Variants in GPSM2 observed in about 807,000 individuals in gnomAD.
GPSM2 encodes G protein-signaling modulator 2.
A neutral mutation model predicts 78.4 loss-of-function variants in GPSM2; 58 were observed. The observed-to-expected ratio is 0.74, with a 90% CI of 0.60 to 0.92. The LOEUF is 0.92. Among genes scored for constraint, GPSM2 ranks in the 40% least tolerant of loss-of-function variants. The probability of loss-of-function intolerance (pLI) is 0.00; values close to 1 mark genes in which losing one functional copy is unlikely to be tolerated. For synonymous variants in GPSM2, 224 were observed against 280.2 expected (o/e 0.80, Z 2.00); for missense variants, 700 against 815.5 (o/e 0.86, Z 1.73).
chr1:108,890,141 C>A (rs1321249202), intron 2 of GPSM2, among the ~76,000 whole-genome samples: 2 of 152,136 alleles, frequency 1.3e-5, no homozygotes, highest in East Asian at 3.9e-4. Flanking sequence ...ATTTTTCTTT[C>A]TTAGCACCAA....
At chr1:108,901,989 T>C in intron 8 of GPSM2, 44 bp downstream of exon 8, 1 of 1,314,650 alleles carries the variant, frequency 7.6e-7, no homozygotes, top group Non-Finnish European at 1.1e-6. Context: ...AAAATATAGA[T>C]GCATTATTGA....
chr1:108,909,601 T>C (rs1164591259), intron 10 of GPSM2: 2 of 152,104 alleles, frequency 1.3e-5, no homozygotes, highest in African/African-American at 4.8e-5. Flanking sequence ...AAATTTATGT[T>C]GTATTTAAAA....
At chr1:108,883,251 CCTT>C (rs1647258847) in intron 1 of GPSM2, among the ~76,000 whole-genome samples, 1 of 152,204 alleles carries the variant, frequency 6.6e-6, no homozygotes, top group South Asian at 2.1e-4. Context: ...CCTCCTTTCA[CCTT>C]CTGCTCTGTT....
At chr1:108,909,719 A>G (rs1323876309) in intron 10 of GPSM2, 1 of 152,066 alleles carries the variant, frequency 6.6e-6, no homozygotes, top group Non-Finnish European at 1.5e-5. Flanking sequence ...CCTGGCCAAC[A>G]TGGTGAAACC....
chr1:108,931,610 T>G lies in GPSM2; in HGVS notation c.*1670T>G. 1 of 1,265,644 alleles carries G rather than the reference T, an allele frequency of 7.9e-7. No homozygotes were observed. Among genetic ancestry groups the G allele is most frequent in the East Asian group, 2.7e-5 (1 of 36,970 alleles). The allele number at this position is 1,265,644 out of a possible 1,614,324, so 78.4% of individuals were successfully genotyped here. A position where few individuals can be genotyped will look rare whatever the true frequency, so the allele number is the denominator to read the frequency against. On this transcript the variant is annotated 3_prime_UTR_variant, in exon 15 of 15. Transcript: ENST00000264126. ...TTTAAGAGTCATAACCTGGAATTAATTACATTAAGTGCTCAGCTAAAAAAA... is the reference window on the plus strand; with the variant it reads ...TTTAAGAGTCATAACCTGGAATTAAGTACATTAAGTGCTCAGCTAAAAAAA...
At chr1:108,906,412 T>C (rs1476512177) in intron 10 of GPSM2, among the ~76,000 whole-genome samples, 1 of 152,068 alleles carries the variant, frequency 6.6e-6, no homozygotes. Context: ...TCAAAATATA[T>C]CCCTAATCTC....
At chr1:108,924,842 G>A (rs1157822306) in intron 14 of GPSM2, among the ~76,000 whole-genome samples, 1 of 152,136 alleles carries the variant, frequency 6.6e-6, no homozygotes, top group African/African-American at 2.4e-5. Context: ...CCATGATAAA[G>A]TCGTGTTTTA....
At chr1:108,913,078 C>T (rs1386999150) in intron 10 of GPSM2, among the ~76,000 whole-genome samples, 3 of 152,050 alleles carry the variant, frequency 2.0e-5, no homozygotes, top group Non-Finnish European at 4.4e-5. Flanking sequence ...AATGGAAACT[C>T]TTGTGTGGTA....
At chr1:108,928,492 G>C (rs1469729681) in intron 14 of GPSM2, among the ~76,000 whole-genome samples, 1 of 152,194 alleles carries the variant, frequency 6.6e-6, no homozygotes, top group Non-Finnish European at 1.5e-5. Context: ...GTAAATAACT[G>C]CACCCTCTGA....
rs1302096583 is a variant in GPSM2 at position 108,897,904 on chromosome 1, T to C, written c.415-55T>C. On this transcript the variant is annotated intron_variant, in intron 4 of 14. Transcript: ENST00000264126. Reference sequence around the variant, plus strand: ...ATACTAAGGATATTACAAATATATATGATAAACCTGACCTCTGTTTTCAAA... The same window carrying C: ...ATACTAAGGATATTACAAATATATACGATAAACCTGACCTCTGTTTTCAAA... 4 of 1,574,748 alleles carry C rather than the reference T, an allele frequency of 2.5e-6. No homozygotes were observed. In the East Asian group the frequency reaches 9.0e-5, roughly 35 times the overall value.
At chr1:108,884,716 T>C (rs1362070063) in intron 1 of GPSM2, among the ~76,000 whole-genome samples, 3 of 152,224 alleles carry the variant, frequency 2.0e-5, no homozygotes, top group Non-Finnish European at 4.4e-5. Context: ...TATAAATGTT[T>C]GTTGTGTCAT....
At chr1:108,915,428 T>A (rs901196974) in intron 11 of GPSM2, among the ~76,000 whole-genome samples, 3 of 151,578 alleles carry the variant, frequency 2.0e-5, no homozygotes, top group African/African-American at 7.3e-5. Flanking sequence ...TTTCTTTTTT[T>A]TCTTTTTTGT....
chr1:108,901,779 T>C lies in GPSM2; in HGVS notation c.798-11T>C, dbSNP rs753378999. Reference sequence around the variant, plus strand: ...AATGATCATTATATAAGAATTAATTTCTTCTTGTAGGAAGACACTACTGTT... The same window carrying C: ...AATGATCATTATATAAGAATTAATTCCTTCTTGTAGGAAGACACTACTGTT... On this transcript the variant is annotated splice_polypyrimidine_tract_variant and intron_variant, in intron 7 of 14. Transcript: ENST00000264126. 4 of 1,599,766 alleles carry C rather than the reference T, an allele frequency of 2.5e-6. No individual in the cohort carries two copies. The African/African-American group carries it at 4.0e-5, about 16-fold the overall frequency.
chr1:108,881,942 G>A (rs1480223660), intron 1 of GPSM2, among the ~76,000 whole-genome samples: 1 of 152,254 alleles, frequency 6.6e-6, no homozygotes, highest in East Asian at 1.9e-4. Context: ...ACTCATGGAT[G>A]AGAACAATAT....
chr1:108,883,513 A>G lies in GPSM2; in HGVS notation c.-248-1762A>G, dbSNP rs971030725. On this transcript the variant is annotated intron_variant, in intron 1 of 14. Transcript: ENST00000264126. ...GCTTTATGACCTATGTAGGAATGCT[A>G]TAGTAAGATAGTGGACTAACTGACC... Among the ~76,000 whole-genome samples, 4 of 152,234 alleles carry G rather than the reference A, an allele frequency of 2.6e-5. No individual in the cohort carries two copies. The South Asian group carries it at 8.3e-4, about 32-fold the overall frequency.
In GPSM2 at chr1:108,918,372, G is replaced by A. The variant is rs564044406; in HGVS notation, c.1264-241G>A. 1.4e-4 allele frequency among the ~76,000 whole-genome samples: 22 copies of A among 151,958 alleles called. No individual in the cohort carries two copies. In the South Asian group the frequency reaches 4.2e-3, roughly 29 times the overall value. ...TTTGGTAAACCTTGCTTTCTTATTC[G>A]TAGGTTCTTAAAAACCAGCATTTTA... On this transcript the variant is annotated intron_variant, in intron 11 of 14. Coordinates refer to ENST00000264126, the MANE Select transcript of GPSM2 (RefSeq NM_013296.5).
At chr1:108,920,738 G>A (rs1650642791) in intron 12 of GPSM2, among the ~76,000 whole-genome samples, 1 of 152,030 alleles carries the variant, frequency 6.6e-6, no homozygotes, top group Non-Finnish European at 1.5e-5. Context: ...GAAATTCAGG[G>A]ATATTTTTGT....
rs1248476294 is a variant in GPSM2, at chr1:108,932,450, T to A, written c.*2510T>A. 1 of 152,196 alleles carries A rather than the reference T, an allele frequency of 6.6e-6. No homozygotes were observed. Among genetic ancestry groups the A allele is most frequent in the Non-Finnish European group, 1.5e-5 (1 of 68,030 alleles). The allele number at this position is 152,196 out of a possible 1,614,324, so 9.4% of individuals were successfully genotyped here. A position where few individuals can be genotyped will look rare whatever the true frequency, so the allele number is the denominator to read the frequency against. ...AATTGCTGTCATCATTCAACAACAG[T>A]TGCATGTCGCCTTGCTAGCTGTCAA... On this transcript the variant is annotated 3_prime_UTR_variant, in exon 15 of 15. Transcript: ENST00000264126.
chr1:108,914,488 TA>T, intron 11 of GPSM2, 80 bp downstream of exon 11: 12 of 1,033,930 alleles, frequency 1.2e-5, no homozygotes, highest in Non-Finnish European at 1.8e-5. Context: ...TGAAATAATT[TA>T]AATAAGGCTT....
Sources: gnomAD v4.1 joint callset for allele counts (sites outside exome capture counted in the v4.1 genomes callset) on GRCh38, gnomAD v4.1.1 for gene constraint, MANE v1.5 for transcripts, NCBI Gene and HGNC (gene_info 2026-07-23, HGNC 2026-07-21) for gene names.